The following HHLA1 variants were observed in gnomAD, a reference collection of about 807,000 sequenced individuals.
HHLA1 encodes the protein HHLA1 neighbor of OC90, also known as HERV-H LTR-associating protein 1.
Under a neutral mutation model 69.9 loss-of-function variants are expected in HHLA1, and 72 were observed. The observed-to-expected ratio is 1.03, with a 90% confidence interval of 0.85 to 1.25. The LOEUF is 1.25. Ranked by LOEUF, HHLA1 falls within the 50% of genes most tolerant of loss-of-function variation. The pLI is 0.00. For missense variants in HHLA1, 685 were observed against 642.2 expected (o/e 1.07, Z -0.72); for synonymous variants, 252 against 233.2 (o/e 1.08, Z -0.73).
At chr8:132,094,150 G>GCCA (rs1823985190) in intron 7 of HHLA1, among the ~76,000 whole-genome samples, 1 of 151,242 alleles carries the variant, frequency 6.6e-6, no homozygotes, top group Admixed American at 6.6e-5. Flanking sequence ...TGGTTACATA[G>GCCA]TCATTACAAG....
chr8:132,086,630 G>A (rs1011807775), intron 10 of HHLA1, among the ~76,000 whole-genome samples: 1 of 152,166 alleles, frequency 6.6e-6, no homozygotes, highest in Non-Finnish European at 1.5e-5. Flanking sequence ...TGTGTGTTGA[G>A]GGGGGTGTGG....
At chr8:132,102,793 T>C (rs1248854153) in intron 3 of HHLA1, among the ~76,000 whole-genome samples, 2 of 1,076 alleles carry the variant, frequency 1.9e-3, no homozygotes, top group East Asian at 5.0e-3. Flanking sequence ...CTGAGCACCA[T>C]TTTTTTTTTT....
Position 132,099,910 on chromosome 8 carries a change from C to T in HHLA1, c.199+165G>A, listed in dbSNP as rs535554290. 2.0e-5 allele frequency among the ~76,000 whole-genome samples: 3 copies of T among 152,104 alleles called. No homozygotes were observed. In the East Asian group the frequency reaches 5.8e-4, roughly 29 times the overall value. On this transcript the variant is annotated intron_variant, in intron 4 of 16. Transcript: ENST00000414222. ...GACAAGATGGAAATAGTTGTTGATG[C>T]TCCTCTTTATTCAAACATTGTCTTC...
chr8:132,104,708 G>A (rs1383909877), intron 2 of HHLA1, among the ~76,000 whole-genome samples: 1 of 152,208 alleles, frequency 6.6e-6, no homozygotes, highest in African/African-American at 2.4e-5. Context: ...GTGGTAGGAA[G>A]CAGGGATGGT....
intron 16 of HHLA1, among the ~76,000 whole-genome samples, chr8:132,064,308 T>C (rs1823401566): frequency 6.6e-6 from 1 of 152,226 alleles, no homozygotes; most frequent in Non-Finnish European, 1.5e-5. Flanking sequence ...AATACCCAGC[T>C]GTATCTAACG....
At chr8:132,097,438 T>A (rs1332631499) in intron 5 of HHLA1, among the ~76,000 whole-genome samples, 3 of 152,168 alleles carry the variant, frequency 2.0e-5, no homozygotes, top group African/African-American at 4.8e-5. Context: ...TGGGCACGCC[T>A]CAACGTCTGC....
chr8:132,094,422 C>T (rs1823990017), intron 7 of HHLA1, among the ~76,000 whole-genome samples: 1 of 152,224 alleles, frequency 6.6e-6, no homozygotes, highest in African/African-American at 2.4e-5. Flanking sequence ...ACCCTCCCCA[C>T]TTTGCCCTCA....
At chr8:132,105,327 G>T in intron 1 of HHLA1, 41 bp from the exon 2 acceptor site, 1 of 1,239,118 alleles carries the variant, frequency 8.1e-7, no homozygotes, top group Non-Finnish European at 1.2e-6. Context: ...CTAAGCACAT[G>T]GATGCAGACC....
chr8:132,104,632 G>A (rs1042991940), intron 2 of HHLA1, among the ~76,000 whole-genome samples: 3 of 152,122 alleles, frequency 2.0e-5, no homozygotes, highest in African/African-American at 7.2e-5. Flanking sequence ...GTAGGCATGA[G>A]TATTACTTTA....
intron 3 of HHLA1, among the ~76,000 whole-genome samples, chr8:132,103,686 A>T (rs1396897580): frequency 6.6e-6 from 1 of 152,138 alleles, no homozygotes; most frequent in Non-Finnish European, 1.5e-5. Flanking sequence ...TAAAACCGAA[A>T]CCAAACCAAA....
At chr8:132,102,019 CT>C (rs1345783767) in intron 3 of HHLA1, among the ~76,000 whole-genome samples, 1 of 152,202 alleles carries the variant, frequency 6.6e-6, no homozygotes, top group East Asian at 1.9e-4. Flanking sequence ...TCCTAAGCCC[CT>C]GGTGAGCACC....
chr8:132,069,740 T>C (rs1006550191), intron 15 of HHLA1: 5 of 152,108 alleles, frequency 3.3e-5, no homozygotes, highest in African/African-American at 4.8e-5. Context: ...TATGACCATT[T>C]CTTCCTTCCA....
intron 3 of HHLA1, chr8:132,101,108 C>A: frequency 2.8e-6 from 4 of 1,446,478 alleles, no homozygotes; most frequent in South Asian, 1.5e-5. Flanking sequence ...ACAATAGGTA[C>A]CAGCAGGATG....
At chr8:132,101,338 A>G (rs1824107288) in intron 3 of HHLA1, 1 of 1,515,850 alleles carries the variant, frequency 6.6e-7, no homozygotes, top group Non-Finnish European at 8.8e-7. Context: ...AGTTCATAAC[A>G]TCCTTAGAAA....
intron 10 of HHLA1, among the ~76,000 whole-genome samples, chr8:132,086,413 C>G (rs1228538985): frequency 1.3e-5 from 2 of 152,332 alleles, no homozygotes; most frequent in Non-Finnish European, 1.5e-5. Flanking sequence ...GGCCCATTAA[C>G]ACCCTGCGTG....
intron 1 of HHLA1, among the ~76,000 whole-genome samples, chr8:132,110,810 T>G (rs1824284463): frequency 6.6e-6 from 1 of 152,208 alleles, no homozygotes; most frequent in African/African-American, 2.4e-5. Context: ...TTATGTTTCT[T>G]TTATCATAGA....
chr8:132,068,223 A>T (rs1281533870), intron 15 of HHLA1, among the ~76,000 whole-genome samples: 1 of 152,182 alleles, frequency 6.6e-6, no homozygotes. Flanking sequence ...CAGAAACATG[A>T]CCCACACCTT....
rs771247545 is a variant in HHLA1 at position 132,065,922 on chromosome 8, T to C, written c.1516A>G (p.Ile506Val). ...YSWFLKNATY[I>V]CQRVKRVSHS... The stretch of plus-strand genomic sequence containing the variant: ...GACACCCTTTTCACCCTCTGACAGA[T>C]ATATGTTGCATTCTTCAGAAACCAG... Residue 506 changes from isoleucine (I) to valine (V), a missense_variant, in exon 16 of 17, where the codon ATC becomes GTC. Ile to Val is a conservative substitution (Grantham distance 29). Transcript: ENST00000414222. The C allele has an allele frequency of 3.3e-5, 43 of 1,303,164 alleles. No homozygotes were observed. The highest frequency in any genetic ancestry group is 4.2e-5 in the Non-Finnish European group (41 of 986,974). 80.7% of individuals were successfully genotyped at this position (1,303,164 alleles called of 1,614,324 possible). A position where few individuals can be genotyped will look rare whatever the true frequency, so the allele number is the denominator to read the frequency against.
At chr8:132,074,355 T>A (rs1184388806) in intron 14 of HHLA1, among the ~76,000 whole-genome samples, 1 of 151,930 alleles carries the variant, frequency 6.6e-6, no homozygotes, top group Non-Finnish European at 1.5e-5. Context: ...ATATGGCATA[T>A]CTTGGAAAAG....
Sources: gnomAD v4.1 joint callset for allele counts (sites outside exome capture counted in the v4.1 genomes callset) on GRCh38, gnomAD v4.1.1 for gene constraint, MANE v1.5 for transcripts, NCBI Gene and HGNC (gene_info 2026-07-23, HGNC 2026-07-21) for gene names.